Variants in SCFD2 observed in about 807,000 individuals in gnomAD.
SCFD2 encodes sec1 family domain containing 2.
SCFD2 carries 54 observed loss-of-function variants against 58.9 expected under a neutral mutation model. That is an observed-to-expected ratio of 0.92 (90% CI 0.74 to 1.15). The LOEUF (loss-of-function observed/expected upper bound fraction) is 1.15. Ranked by LOEUF, SCFD2 falls within the 50% of genes most tolerant of loss-of-function variation. The pLI, the probability that SCFD2 is intolerant of heterozygous loss-of-function variation, is 0.00. For missense variants in SCFD2, 805 were observed against 836.6 expected, an observed-to-expected ratio of 0.96 and a Z score of 0.47; for synonymous variants, 321 against 335.9, an observed-to-expected ratio of 0.96 and a Z score of 0.49.
chr4:53,317,174 T>C (rs1174091391), intron 2 of SCFD2, among the ~76,000 whole-genome samples: 2 of 152,124 alleles, frequency 1.3e-5, no homozygotes, highest in Admixed American at 1.3e-4. Flanking sequence ...CTTCCTGTCC[T>C]AAACAGTTTT....
intron 2 of SCFD2, among the ~76,000 whole-genome samples, chr4:53,337,144 A>G (rs1329188492): frequency 6.6e-6 from 1 of 152,162 alleles, no homozygotes; most frequent in Non-Finnish European, 1.5e-5. Flanking sequence ...CCAAGATCAA[A>G]GTTTTAGCAA....
At position 53,145,491 on chromosome 4, in the gene SCFD2, G is replaced by A. The variant is rs769348192; in HGVS notation, c.1403C>T (p.Pro468Leu). 2.5e-6 allele frequency: 4 copies of A among 1,614,126 alleles called. No individual in the cohort carries two copies. The South Asian group carries it at 4.4e-5, about 18-fold the overall frequency. Residue 468 changes from proline to leucine, a missense_variant, in exon 5 of 9, where the codon CCT becomes CTT. Pro to Leu is a moderately conservative substitution (Grantham distance 98). Around this residue, in one of 3 missense-constraint regions of SCFD2, gnomAD observed 633 missense variants for 646.8 expected, o/e 0.98. Coordinates refer to ENST00000401642, the MANE Select transcript of SCFD2 (RefSeq NM_152540.4). ...VTQRTNEDYS[P>L]EELLILLIYI... ...TATGAGAAGGATCAGCAGTTCCTCA[G>A]GGCTGTAGTCCTCGTTGGTTCTCTG...
chr4:52,992,359 C>T (rs1198864668), intron 5 of SCFD2, among the ~76,000 whole-genome samples: 4 of 152,280 alleles, frequency 2.6e-5, no homozygotes, highest in East Asian at 3.9e-4. Context: ...AGTGCAGTGG[C>T]GTGATCTCGG....
chr4:53,241,344 C>G (rs1454905654), intron 4 of SCFD2, among the ~76,000 whole-genome samples: 2 of 152,188 alleles, frequency 1.3e-5, no homozygotes, highest in African/African-American at 2.4e-5. Flanking sequence ...ACTTTAGCCC[C>G]CAAGGGAAGT....
chr4:53,196,590 C>T (rs139334154), intron 4 of SCFD2, among the ~76,000 whole-genome samples: 119 of 152,204 alleles, frequency 7.8e-4, no homozygotes, highest in African/African-American at 2.8e-3. Flanking sequence ...CTAGCCTCTG[C>T]GCCTTTGCAG....
In SCFD2 at chr4:53,163,892, G is replaced by C. The variant is rs535939151; in HGVS notation, c.1312-18310C>G. ...AACGTTTTACAGAAATTAACTGAAG[G>C]ATACTTCATCTTCTCCTCCTCTTTT... On this transcript the variant is annotated intron_variant, in intron 4 of 8. Coordinates refer to ENST00000401642, the MANE Select transcript of SCFD2 (RefSeq NM_152540.4). 1.1e-3 allele frequency among the ~76,000 whole-genome samples: 171 copies of C among 152,250 alleles called. 3 individuals carry two copies. The South Asian group carries it at 0.014, about 12-fold the overall frequency.
At chr4:53,362,023 C>T (rs1200773327) in intron 1 of SCFD2, among the ~76,000 whole-genome samples, 1 of 152,066 alleles carries the variant, frequency 6.6e-6, no homozygotes, top group Admixed American at 6.6e-5. Context: ...GAGTCCCTCC[C>T]TTCAAGAACT....
At chr4:53,176,654 C>A (rs1172945610) in intron 4 of SCFD2, among the ~76,000 whole-genome samples, 10 of 152,200 alleles carry the variant, frequency 6.6e-5, no homozygotes, top group Non-Finnish European at 1.0e-4. Context: ...GTGGGTCAGA[C>A]AGAAACAGGT....
chr4:53,233,541 C>T (rs1217506324), intron 4 of SCFD2, among the ~76,000 whole-genome samples: 2 of 152,210 alleles, frequency 1.3e-5, no homozygotes, highest in Non-Finnish European at 2.9e-5. Context: ...TGGAATAACA[C>T]ATGATATCAT....
chr4:53,281,385 CAT>C (rs1342696034), intron 3 of SCFD2, among the ~76,000 whole-genome samples: 1 of 152,110 alleles, frequency 6.6e-6, no homozygotes, highest in Non-Finnish European at 1.5e-5. Context: ...TTCAGAAATG[CAT>C]ATATATCATA....
chr4:53,299,136 C>T (rs989325143), intron 3 of SCFD2, among the ~76,000 whole-genome samples: 4 of 152,038 alleles, frequency 2.6e-5, no homozygotes, highest in Non-Finnish European at 2.9e-5. Context: ...TTCAGAAGAT[C>T]GAACTACTCT....
intron 5 of SCFD2, among the ~76,000 whole-genome samples, chr4:53,042,673 C>T (rs1413700697): frequency 1.3e-5 from 2 of 151,148 alleles, no homozygotes; most frequent in African/African-American, 4.9e-5. Context: ...TATTAGTTTC[C>T]TCCTTTTCTT....
At position 52,904,821 on chromosome 4, in the gene SCFD2, CT is replaced by C. The variant is rs560531710; in HGVS notation, c.1842+2635del. ...AATAAGAGTGACCTTGGGACAAATT[CT>C]GGTGTCACTATTTCCTGTGTGCTCT... is the stretch of plus-strand genomic sequence containing the variant. On this transcript the variant is annotated intron_variant, in intron 7 of 8. Transcript: ENST00000401642. Among the ~76,000 whole-genome samples, 602 of 152,330 alleles carry C rather than the reference CT, an allele frequency of 4.0e-3. 5 individuals carry two copies. The highest frequency in any genetic ancestry group is 0.013 in the African/African-American group (530 of 41,582).
chr4:53,152,923 T>C (rs936667854), intron 4 of SCFD2, among the ~76,000 whole-genome samples: 1 of 152,184 alleles, frequency 6.6e-6, no homozygotes, highest in Non-Finnish European at 1.5e-5. Context: ...AATCTTTGAC[T>C]CTATGTCTCA....
At chr4:53,166,196 C>A (rs1727001595) in intron 4 of SCFD2, among the ~76,000 whole-genome samples, 1 of 152,192 alleles carries the variant, frequency 6.6e-6, no homozygotes, top group African/African-American at 2.4e-5. Context: ...TAAATTGTCT[C>A]TACTTTTCAG....
chr4:53,222,239 G>T (rs1195535609), intron 4 of SCFD2, among the ~76,000 whole-genome samples: 7 of 152,174 alleles, frequency 4.6e-5, no homozygotes, highest in Non-Finnish European at 1.0e-4. Context: ...ATGACTCAAT[G>T]ACTTAAGAAG....
At chr4:53,237,419 G>C (rs556062887) in intron 4 of SCFD2, among the ~76,000 whole-genome samples, 1 of 148,928 alleles carries the variant, frequency 6.7e-6, no homozygotes, top group Admixed American at 6.6e-5. Context: ...GGGGGCGGCC[G>C]GGCAGAGGCG....
At chr4:53,048,658 T>A (rs1723105127) in intron 5 of SCFD2, among the ~76,000 whole-genome samples, 1 of 152,220 alleles carries the variant, frequency 6.6e-6, no homozygotes, top group Non-Finnish European at 1.5e-5. Flanking sequence ...GACAGATCGC[T>A]CGAGCCTGAA....
At chr4:53,334,491 T>C (rs1733610112) in intron 2 of SCFD2, among the ~76,000 whole-genome samples, 1 of 149,936 alleles carries the variant, frequency 6.7e-6, no homozygotes, top group Admixed American at 6.7e-5. Context: ...CTCAGTAAAC[T>C]ATCGCAAGAA....
Sources: gnomAD v4.1 joint callset for allele counts (sites outside exome capture counted in the v4.1 genomes callset) on GRCh38, gnomAD v4.1.1 for gene constraint, gnomAD v4.1.1 regional missense constraint, MANE v1.5 for transcripts, NCBI Gene and HGNC (gene_info 2026-07-23, HGNC 2026-07-21) for gene names.